The following GFRA3 variants were observed in gnomAD, a reference collection of about 807,000 sequenced individuals.
GFRA3 encodes GDNF family receptor alpha 3.
Under a neutral mutation model 40.0 loss-of-function variants are expected in GFRA3, and 24 were observed. That is an observed-to-expected ratio of 0.60 (90% CI 0.43 to 0.84). The LOEUF is 0.84. GFRA3 is among the 40% of genes least tolerant of loss of function. The pLI is 0.00. For missense variants in GFRA3, 405 were observed against 530.6 expected, an observed-to-expected ratio of 0.76 and a Z score of 2.33; for synonymous variants, 203 against 213.5, an observed-to-expected ratio of 0.95 and a Z score of 0.43.
Position 138,264,526 on chromosome 5 carries a change from G to C in GFRA3, c.114C>G (p.Ser38Arg). 6.2e-7 allele frequency: 1 copy of C among 1,607,484 alleles called. No individual in the cohort carries two copies. Among genetic ancestry groups the C allele is most frequent in the South Asian group, 1.1e-5 (1 of 90,206 alleles). Residue 38 changes from serine to arginine, a missense_variant, in exon 2 of 8, where the codon AGC becomes AGG. Transcript: ENST00000274721. ...LAAGDPLPTE[S>R]RLMNSCLQAR... is the part of the protein sequence containing the mutation. ...CCTGGAGACAGCTGTTCATGAGTCG[G>C]CTTTCTGTGGGAAGGGGGTCTCCTG...
In GFRA3 at chr5:138,259,625, G is replaced by C; in HGVS notation, c.404C>G (p.Pro135Arg). Reference sequence around the variant, plus strand: ...TTTGCTGGTCACTGTGTCTTCATAGGGGGAGACATCCAGCTCATAGTTACC... The same window carrying C: ...TTTGCTGGTCACTGTGTCTTCATAGCGGGAGACATCCAGCTCATAGTTACC... The part of the protein sequence containing the change: ...SLGNYELDVS[P>R]YEDTVTSKPW... The change falls in exon 3 of 8, where the codon CCC (proline) becomes CGC (arginine). Residue 135 changes from proline to arginine, a missense_variant. By Grantham distance (103) the Pro-to-Arg change is moderately radical. Coordinates refer to ENST00000274721, the MANE Select transcript of GFRA3 (RefSeq NM_001496.4). 2 of 1,507,696 alleles carry C rather than the reference G, an allele frequency of 1.3e-6. No homozygotes were observed. Among genetic ancestry groups the C allele is most frequent in the Non-Finnish European group, 9.2e-7 (1 of 1,082,862 alleles). The allele number at this position is 1,507,696 out of a possible 1,614,324, so 93.4% of individuals were successfully genotyped here.
intron 3 of GFRA3, 106 bp from the exon 4 acceptor site, chr5:138,258,057 T>C (rs1755658700): frequency 2.3e-6 from 2 of 870,836 alleles, no homozygotes; most frequent in Admixed American, 4.1e-5. Context: ...AGGTAGTGGA[T>C]ATAGGAGGAA....
intron 2 of GFRA3, among the ~76,000 whole-genome samples, chr5:138,260,266 A>T (rs913588601): frequency 6.6e-6 from 1 of 152,194 alleles, no homozygotes; most frequent in African/African-American, 2.4e-5. Flanking sequence ...CAGAAGCTTT[A>T]AGAATCTTCA....
In GFRA3 at chr5:138,274,486, G is replaced by C. The variant is rs953981677; in HGVS notation, c.-62C>G. 3 of 1,246,146 alleles carry C rather than the reference G, an allele frequency of 2.4e-6. No homozygotes were observed. The highest frequency in any genetic ancestry group is 4.2e-5 in the Admixed American group (1 of 23,782). 77.2% of individuals were successfully genotyped at this position (1,246,146 alleles called of 1,614,324 possible). A position where few individuals can be genotyped will look rare whatever the true frequency, so the allele number is the denominator to read the frequency against. ...CTCCTCCCCTGGAGCTCTGAGAGCGGGGCTCCCTCGACCGGCACCTCCCGC... is the reference window on the plus strand; with the variant it reads ...CTCCTCCCCTGGAGCTCTGAGAGCGCGGCTCCCTCGACCGGCACCTCCCGC... On this transcript the variant is annotated 5_prime_UTR_variant, in exon 1 of 8. Coordinates refer to ENST00000274721, the MANE Select transcript of GFRA3 (RefSeq NM_001496.4).
At chr5:138,266,774 T>A (rs1259670268) in intron 1 of GFRA3, among the ~76,000 whole-genome samples, 1 of 151,942 alleles carries the variant, frequency 6.6e-6, no homozygotes, top group Non-Finnish European at 1.5e-5. Flanking sequence ...CTCTGCCTCC[T>A]GGGCTCAAGC....
chr5:138,253,033 G>A lies in GFRA3; in HGVS notation c.1138C>T (p.Gln380Ter). Residue 380 changes from glutamine (Q) to a stop codon, truncating the protein, a stop_gained, in exon 8 of 8, where the codon CAG (glutamine) becomes TAG (stop). Coordinates refer to ENST00000274721, the MANE Select transcript of GFRA3 (RefSeq NM_001496.4). LOFTEE classifies it high-confidence loss of function. ...HQNENPAVRP[Q>*]PWVPSLFSCT... The stretch of plus-strand genomic sequence containing the variant: ...GAGAAAAGAGAGGGCACCCAGGGCT[G>A]TGGCCTCACAGCAGGGTTTTCATTC... The A allele has an allele frequency of 6.2e-7, 1 of 1,602,976 alleles. No homozygotes were observed. The highest frequency in any genetic ancestry group is 8.5e-7 in the Non-Finnish European group (1 of 1,170,138).
chr5:138,273,278 A>AT (rs1359341875), intron 1 of GFRA3, among the ~76,000 whole-genome samples: 84 of 152,132 alleles, frequency 5.5e-4, no homozygotes, highest in Non-Finnish European at 3.4e-4. Flanking sequence ...TGTTTTATGG[A>AT]TTTTCAATGA....
At chr5:138,268,225 C>T (rs1262496610) in intron 1 of GFRA3, among the ~76,000 whole-genome samples, 2 of 131,548 alleles carry the variant, frequency 1.5e-5, no homozygotes, top group East Asian at 2.3e-4. Context: ...GCAGAGTATG[C>T]AGTGAGCAGA....
At position 138,274,317 on chromosome 5, in the gene GFRA3, C is replaced by T. The variant is rs745357965; in HGVS notation, c.91+17G>A. On this transcript the variant is annotated intron_variant, in intron 1 of 7. Coordinates refer to ENST00000274721, the MANE Select transcript of GFRA3 (RefSeq NM_001496.4). ...CCTCCCACTGTACCCCCGGCCGGTG[C>T]GCGCTCTGACACTCACCGGCTGCGA... is the stretch of plus-strand genomic sequence containing the variant. 4 of 1,320,062 alleles carry T rather than the reference C, an allele frequency of 3.0e-6. No individual in the cohort carries two copies. Among genetic ancestry groups the T allele is most frequent in the Non-Finnish European group, 3.9e-6 (4 of 1,029,342 alleles). 81.8% of individuals were successfully genotyped at this position (1,320,062 alleles called of 1,614,324 possible).
At chr5:138,257,978 C>G (rs1561649836) in intron 3 of GFRA3, 27 bp from the exon 4 acceptor site, 10 of 1,600,196 alleles carry the variant, frequency 6.2e-6, no homozygotes, top group Non-Finnish European at 6.9e-6. Context: ...CGGAGTCAGT[C>G]GGCTGGGCCC....
intron 1 of GFRA3, among the ~76,000 whole-genome samples, chr5:138,270,938 T>A (rs1031139891): frequency 6.6e-6 from 1 of 152,200 alleles, no homozygotes; most frequent in African/African-American, 2.4e-5. Flanking sequence ...GAATAAGTGG[T>A]AAGTACACAA....
rs554070273 is a variant in GFRA3 at position 138,258,434 on chromosome 5, G to A, written c.473-483C>T. 5.3e-5 allele frequency among the ~76,000 whole-genome samples: 8 copies of A among 151,882 alleles called. No homozygotes were observed. In the East Asian group the frequency reaches 1.2e-3, roughly 22 times the overall value. ...CGACCTCAGGTAATCCGCCCATCTCGGCCTCCCAAAGTGCTGGGATTACAG... is the reference window on the plus strand; with the variant it reads ...CGACCTCAGGTAATCCGCCCATCTCAGCCTCCCAAAGTGCTGGGATTACAG... On this transcript the variant is annotated intron_variant, in intron 3 of 7. Coordinates refer to ENST00000274721, the MANE Select transcript of GFRA3 (RefSeq NM_001496.4).
intron 1 of GFRA3, among the ~76,000 whole-genome samples, chr5:138,268,248 G>A (rs1755814589): frequency 8.2e-6 from 1 of 121,532 alleles, no homozygotes; most frequent in African/African-American, 3.2e-5. Context: ...CTGTGCCACT[G>A]CACTCCAGCC....
chr5:138,271,913 T>TGTGTG (rs1554111239), intron 1 of GFRA3, among the ~76,000 whole-genome samples: 49 of 54,336 alleles, frequency 9.0e-4, no homozygotes, highest in Admixed American at 1.8e-3. Context: ...TTTTTTTTTT[T>TGTGTG]TGTGTGTGTG....
At chr5:138,256,162 C>T (rs1280234824) in intron 4 of GFRA3, among the ~76,000 whole-genome samples, 2 of 145,888 alleles carry the variant, frequency 1.4e-5, no homozygotes, top group East Asian at 4.0e-4. Context: ...AACCAGGAGG[C>T]GGAGGCTGCA....
chr5:138,256,946 C>CAG (rs1554110106), intron 4 of GFRA3, among the ~76,000 whole-genome samples: 1 of 132,952 alleles, frequency 7.5e-6, no homozygotes, highest in Non-Finnish European at 1.6e-5. Context: ...GACTCTGTCT[C>CAG]AAAAAAAAAA....
Position 138,274,501 on chromosome 5 carries a change from G to A in GFRA3, c.-77C>T. The A allele has an allele frequency of 8.1e-7, 1 of 1,241,138 alleles. No individual in the cohort carries two copies. The highest frequency in any genetic ancestry group is 1.0e-6 in the Non-Finnish European group (1 of 992,038). 76.9% of individuals were successfully genotyped at this position (1,241,138 alleles called of 1,614,324 possible). Reference sequence around the variant, plus strand: ...TCTGAGAGCGGGGCTCCCTCGACCGGCACCTCCCGCCCCCGCCTCCCGCCC... The same window carrying A: ...TCTGAGAGCGGGGCTCCCTCGACCGACACCTCCCGCCCCCGCCTCCCGCCC... On this transcript the variant is annotated 5_prime_UTR_variant, in exon 1 of 8. Transcript: ENST00000274721.
chr5:138,263,801 C>T (rs950316085), intron 2 of GFRA3, among the ~76,000 whole-genome samples: 5 of 152,176 alleles, frequency 3.3e-5, no homozygotes, highest in African/African-American at 1.2e-4. Flanking sequence ...TGACAAGCAG[C>T]TCCTCTTTGG....
rs529772972 is a variant in GFRA3, at chr5:138,253,308, G to A, written c.1092C>T (p.Thr364=). The A allele has an allele frequency of 1.3e-6, 2 of 1,599,798 alleles. No individual in the cohort carries two copies. The highest frequency in any genetic ancestry group is 2.3e-5 in the South Asian group (2 of 88,240). ...CTACCTGGTGTGCCATCACAGCAAA[G>A]GTAGGGTGTGGCCAGTCCTGGGAGA... ...QLFSQDWPHP[T]FAVMAHQNEN... The change falls in exon 7 of 8, where the codon ACC becomes ACT. Residue 364 remains threonine (T), a synonymous_variant. Coordinates refer to ENST00000274721, the MANE Select transcript of GFRA3 (RefSeq NM_001496.4).
Sources: allele counts gnomAD v4.1 joint callset (sites outside exome capture counted in the v4.1 genomes callset), GRCh38; gene constraint gnomAD v4.1.1; transcripts MANE v1.5; gene names NCBI Gene and HGNC (gene_info 2026-07-23, HGNC 2026-07-21).